Variants in SLC24A3 observed in about 807,000 individuals in gnomAD.
SLC24A3 encodes the protein sodium/potassium/calcium exchanger 3.
In SLC24A3, 28 loss-of-function variants were observed where a neutral mutation model predicts 75.8. The ratio of observed to expected loss-of-function variants is 0.37; its 90% CI spans 0.27 to 0.51. The LOEUF (loss-of-function observed/expected upper bound fraction) is 0.51. Ranked by LOEUF, SLC24A3 falls within the 20% of genes least tolerant of loss-of-function variation. SLC24A3 has a pLI of 0.94. For synonymous variants in SLC24A3, 372 were observed against 334.1 expected, an observed-to-expected ratio of 1.11 and a Z score of -1.24; for missense variants, 663 against 847.8, an observed-to-expected ratio of 0.78 and a Z score of 2.71.
intron 2 of SLC24A3, among the ~76,000 whole-genome samples, chr20:19,512,087 C>T (rs917672147): frequency 6.6e-6 from 1 of 152,178 alleles, no homozygotes; most frequent in East Asian, 1.9e-4. Context: ...GCTCTCATTG[C>T]CCCATGGAGA....
intron 2 of SLC24A3, among the ~76,000 whole-genome samples, chr20:19,375,720 C>T (rs1017384373): frequency 6.6e-6 from 1 of 152,064 alleles, no homozygotes; most frequent in African/African-American, 2.4e-5. Flanking sequence ...GGCGCCCAGC[C>T]CTCACTCACC....
intron 2 of SLC24A3, among the ~76,000 whole-genome samples, chr20:19,411,343 G>A (rs1205775918): frequency 2.0e-5 from 3 of 152,188 alleles, no homozygotes; most frequent in Admixed American, 1.3e-4. Context: ...GGACAATGAC[G>A]TGGACTTTAT....
At chr20:19,518,645 G>A (rs1399668002) in intron 3 of SLC24A3, among the ~76,000 whole-genome samples, 4 of 152,200 alleles carry the variant, frequency 2.6e-5, no homozygotes, top group Admixed American at 2.6e-4. Flanking sequence ...TATGAGCGTG[G>A]AGAGACTGAC....
rs550048342 is a variant in SLC24A3 at position 19,450,692 on chromosome 20, C to A, written c.272-64796C>A. The stretch of plus-strand genomic sequence containing the variant: ...CACTGGCTTAGTGAATAGATGATAC[C>A]TTGATTCAAATTTATAAAACAGTGG... On this transcript the variant is annotated intron_variant, in intron 2 of 16. Coordinates refer to ENST00000328041, the MANE Select transcript of SLC24A3 (RefSeq NM_020689.4). Among the ~76,000 whole-genome samples the A allele has an allele frequency of 2.6e-5, 4 of 152,244 alleles. No individual in the cohort carries two copies. The East Asian group carries it at 7.7e-4, about 29-fold the overall frequency.
intron 2 of SLC24A3, among the ~76,000 whole-genome samples, chr20:19,308,525 T>G (rs1984381723): frequency 6.6e-6 from 1 of 152,220 alleles, no homozygotes; most frequent in Non-Finnish European, 1.5e-5. Context: ...AAGCTGGTGT[T>G]GGAGAGCTGA....
At chr20:19,640,702 A>G (rs146654082) in intron 6 of SLC24A3, among the ~76,000 whole-genome samples, 2,078 of 152,326 alleles carry the variant, frequency 0.014, 40 homozygotes, top group African/African-American at 0.047. Context: ...GTGAGCCGAG[A>G]TCATGCCACT....
At chr20:19,559,652 T>G (rs2030842717) in intron 3 of SLC24A3, among the ~76,000 whole-genome samples, 1 of 152,184 alleles carries the variant, frequency 6.6e-6, no homozygotes, top group African/African-American at 2.4e-5. Context: ...CCTTTTAGTT[T>G]CTCTACCTAT....
chr20:19,467,166 C>G (rs762299903), intron 2 of SLC24A3, among the ~76,000 whole-genome samples: 2 of 152,076 alleles, frequency 1.3e-5, no homozygotes, highest in African/African-American at 4.8e-5. Context: ...AAAGCAAAAG[C>G]CGGGAAATCA....
chr20:19,401,417 AAG>A (rs1374731427), intron 2 of SLC24A3, among the ~76,000 whole-genome samples: 1 of 152,224 alleles, frequency 6.6e-6, no homozygotes. Flanking sequence ...TCTTGGGGAT[AAG>A]AGGCATCCAC....
rs755154880 is a variant in SLC24A3 at position 19,684,157 on chromosome 20, A to T, written c.902-19A>T. On this transcript the variant is annotated intron_variant, in intron 10 of 16. Transcript: ENST00000328041. ...CCTGGCCTCCATGTTATTTTACCTT[A>T]TGTTTTTCGTTTCCCTAGCAAATTT... is the stretch of plus-strand genomic sequence containing the variant. 2.5e-6 allele frequency: 4 copies of T among 1,610,272 alleles called. No homozygotes were observed. The highest frequency in any genetic ancestry group is 3.4e-6 in the Non-Finnish European group (4 of 1,176,926).
chr20:19,282,442 G>C (rs763936720), intron 2 of SLC24A3, among the ~76,000 whole-genome samples: 5 of 152,212 alleles, frequency 3.3e-5, no homozygotes, highest in Non-Finnish European at 5.9e-5. Flanking sequence ...GGGCAGCTAC[G>C]TGAGTTAGAA....
chr20:19,574,355 T>A (rs2031098582), intron 3 of SLC24A3, among the ~76,000 whole-genome samples: 1 of 152,228 alleles, frequency 6.6e-6, no homozygotes, highest in Non-Finnish European at 1.5e-5. Flanking sequence ...TACCTGTACA[T>A]CAAAGGACAC....
At chr20:19,566,457 C>T (rs1385724910) in intron 3 of SLC24A3, among the ~76,000 whole-genome samples, 1 of 152,164 alleles carries the variant, frequency 6.6e-6, no homozygotes, top group Non-Finnish European at 1.5e-5. Flanking sequence ...CTGACAACAC[C>T]AGGGACTCCC....
At chr20:19,642,786 C>A (rs376028808) in intron 6 of SLC24A3, among the ~76,000 whole-genome samples, 3 of 152,308 alleles carry the variant, frequency 2.0e-5, no homozygotes, top group African/African-American at 7.2e-5. Context: ...AGGAAGGGTT[C>A]TTTGTTGGCT....
chr20:19,332,250 G>T (rs1985016168), intron 2 of SLC24A3, among the ~76,000 whole-genome samples: 1 of 152,080 alleles, frequency 6.6e-6, no homozygotes, highest in Non-Finnish European at 1.5e-5. Flanking sequence ...TTGAATTGTA[G>T]TGGGACACTG....
chr20:19,673,037 G>A (rs2032486506), intron 8 of SLC24A3, among the ~76,000 whole-genome samples: 1 of 152,172 alleles, frequency 6.6e-6, no homozygotes, highest in African/African-American at 2.4e-5. Context: ...GAAGCTCAAG[G>A]CACATTCTAG....
intron 12 of SLC24A3, among the ~76,000 whole-genome samples, chr20:19,692,915 T>C (rs2032760396): frequency 6.6e-6 from 1 of 151,912 alleles, no homozygotes; most frequent in African/African-American, 2.4e-5. Flanking sequence ...CTACACACAT[T>C]CCACCTCTTT....
intron 6 of SLC24A3, among the ~76,000 whole-genome samples, chr20:19,640,677 G>C (rs1216089346): frequency 1.3e-5 from 2 of 152,068 alleles, no homozygotes; most frequent in Admixed American, 6.5e-5. Flanking sequence ...TTCAACCCGG[G>C]AGGCGAAGGT....
chr20:19,275,142 G>C (rs1250288577), intron 1 of SLC24A3, among the ~76,000 whole-genome samples: 1 of 152,206 alleles, frequency 6.6e-6, no homozygotes, highest in East Asian at 1.9e-4. Flanking sequence ...TTCACAGGGA[G>C]GGGAGAGTTA....
Sources: allele counts gnomAD v4.1 joint callset (sites outside exome capture counted in the v4.1 genomes callset), GRCh38; gene constraint gnomAD v4.1.1; transcripts MANE v1.5; gene names NCBI Gene and HGNC (gene_info 2026-07-23, HGNC 2026-07-21).